Variants in UXS1 observed in about 807,000 individuals in gnomAD.
The protein encoded by UXS1 is UDP-glucuronate decarboxylase 1, also known as UDP-glucuronic acid decarboxylase 1.
A neutral mutation model predicts 62.6 loss-of-function variants in UXS1; 33 were observed. That is an observed-to-expected ratio of 0.53 (90% CI 0.40 to 0.70). UXS1 has a LOEUF of 0.70. UXS1 is among the 30% of genes least tolerant of loss of function. The pLI, the probability that UXS1 is intolerant of heterozygous loss-of-function variation, is 0.00. For synonymous variants in UXS1, 213 were observed against 206.8 expected (o/e 1.03, Z -0.26); for missense variants, 434 against 556.3 (o/e 0.78, Z 2.21).
chr2:106,137,347 G>A (rs1680740446), intron 6 of UXS1, among the ~76,000 whole-genome samples: 1 of 152,186 alleles, frequency 6.6e-6, no homozygotes, highest in Non-Finnish European at 1.5e-5. Context: ...CACAGACCGG[G>A]TCAGTTCCTG....
chr2:106,143,831 A>G (rs924261236), intron 6 of UXS1, among the ~76,000 whole-genome samples: 1 of 152,142 alleles, frequency 6.6e-6, no homozygotes, highest in Non-Finnish European at 1.5e-5. Context: ...TCCCTTGCAC[A>G]CTGCAAACCT....
At chr2:106,186,136 C>T (rs1573592344) in intron 1 of UXS1, among the ~76,000 whole-genome samples, 1 of 152,074 alleles carries the variant, frequency 6.6e-6, no homozygotes, top group Non-Finnish European at 1.5e-5. Context: ...AAAATCGGTC[C>T]AGGCAAGGAT....
At chr2:106,130,020 G>A (rs1448945214) in intron 6 of UXS1, among the ~76,000 whole-genome samples, 1 of 152,202 alleles carries the variant, frequency 6.6e-6, no homozygotes, top group Admixed American at 6.5e-5. Context: ...CGTGTAACCA[G>A]AGTCAATTCG....
chr2:106,144,382 A>T (rs1261232618), intron 6 of UXS1, among the ~76,000 whole-genome samples: 1 of 152,274 alleles, frequency 6.6e-6, no homozygotes, highest in African/African-American at 2.4e-5. Context: ...GAAAGAGAAC[A>T]GAAGAAACAG....
intron 14 of UXS1, among the ~76,000 whole-genome samples, chr2:106,094,651 T>C (rs1204230116): frequency 1.3e-5 from 2 of 152,170 alleles, no homozygotes; most frequent in Non-Finnish European, 2.9e-5. Context: ...ATGGCCCACT[T>C]GCACCCCCAC....
intron 1 of UXS1, among the ~76,000 whole-genome samples, chr2:106,167,439 C>CAAG (rs1683278721): frequency 6.6e-6 from 1 of 152,144 alleles, no homozygotes; most frequent in Non-Finnish European, 1.5e-5. Context: ...TAACCCCAGG[C>CAAG]ATCTTCCCAT....
chr2:106,166,170 A>G, intron 1 of UXS1, 87 bp from the exon 2 acceptor site: 1 of 1,305,264 alleles, frequency 7.7e-7, no homozygotes, highest in Non-Finnish European at 1.1e-6. Flanking sequence ...TTTAACCAAT[A>G]TTTTAAATTT....
intron 6 of UXS1, among the ~76,000 whole-genome samples, chr2:106,141,897 G>A (rs1681134829): frequency 6.7e-6 from 1 of 149,748 alleles, no homozygotes; most frequent in Admixed American, 6.6e-5. Context: ...TTGAGATGAG[G>A]TCTTATTCTG....
chr2:106,122,905 A>G, intron 9 of UXS1, 65 bp downstream of exon 9: 8 of 1,584,340 alleles, frequency 5.0e-6, no homozygotes, highest in Non-Finnish European at 6.9e-6. Flanking sequence ...CCTTTACAAC[A>G]CTTTACATCT....
At chr2:106,174,620 G>A (rs1332864394) in intron 1 of UXS1, among the ~76,000 whole-genome samples, 1 of 152,238 alleles carries the variant, frequency 6.6e-6, no homozygotes, top group Non-Finnish European at 1.5e-5. Flanking sequence ...CCCAGGGCCT[G>A]TGTGGGGCGC....
At chr2:106,194,088 G>A (rs1558768753) in intron 1 of UXS1, 60 bp downstream of exon 1, 3 of 1,360,486 alleles carry the variant, frequency 2.2e-6, no homozygotes, top group African/African-American at 1.5e-5. Flanking sequence ...CCGCCGCCCG[G>A]CCCACCGCGG....
At chr2:106,155,506 T>A in intron 5 of UXS1, among the ~76,000 whole-genome samples, 1 of 152,238 alleles carries the variant, frequency 6.6e-6, no homozygotes, top group African/African-American at 2.4e-5. Flanking sequence ...AAGCTCCATT[T>A]GTGGTAAGTG....
intron 5 of UXS1, among the ~76,000 whole-genome samples, chr2:106,157,530 A>G (rs1682533309): frequency 6.6e-6 from 1 of 152,258 alleles, no homozygotes; most frequent in South Asian, 2.1e-4. Context: ...TATACCTAAA[A>G]GAATGAAAAT....
intron 2 of UXS1, 36 bp from the exon 3 acceptor site, chr2:106,164,835 T>C (rs1683115102): frequency 8.1e-6 from 12 of 1,482,224 alleles, no homozygotes; most frequent in Non-Finnish European, 1.1e-5. Flanking sequence ...GCTTTGTGAC[T>C]TTAAGACTGT....
intron 2 of UXS1, among the ~76,000 whole-genome samples, chr2:106,165,089 A>G (rs978593649): frequency 2.0e-5 from 3 of 152,240 alleles, no homozygotes; most frequent in Non-Finnish European, 4.4e-5. Flanking sequence ...TTAAATTTGA[A>G]GCAGGAAGTG....
chr2:106,096,674 G>A (rs1427869533), intron 14 of UXS1, 44 bp downstream of exon 14: 40 of 1,506,232 alleles, frequency 2.7e-5, no homozygotes, highest in African/African-American at 6.9e-5. Flanking sequence ...CACAGGACAC[G>A]GGAGGCCCCT....
At chr2:106,120,547 A>G (rs1679442181) in intron 9 of UXS1, among the ~76,000 whole-genome samples, 1 of 152,198 alleles carries the variant, frequency 6.6e-6, no homozygotes, top group African/African-American at 2.4e-5. Context: ...CCCTCAGCAC[A>G]TGTGCTAAGT....
rs1680942892 is a variant in UXS1, at chr2:106,139,654, T to G, written c.472+5536A>C. Among the ~76,000 whole-genome samples the G allele has an allele frequency of 2.0e-5, 3 of 152,204 alleles. No individual in the cohort carries two copies. In the South Asian group the frequency reaches 6.2e-4, roughly 32 times the overall value. ...AGGGGAAATCCACATAAAAACTGAC[T>G]GTAGCTTCCACTCCTTTGTTGATTT... On this transcript the variant is annotated intron_variant, in intron 6 of 14. Transcript: ENST00000283148.
At chr2:106,157,188 T>C (rs1257959690) in intron 5 of UXS1, among the ~76,000 whole-genome samples, 5 of 152,170 alleles carry the variant, frequency 3.3e-5, no homozygotes, top group African/African-American at 9.7e-5. Flanking sequence ...GTTGCACAAC[T>C]CTGTGAATAC....
Sources: allele counts gnomAD v4.1 joint callset (sites outside exome capture counted in the v4.1 genomes callset), GRCh38; gene constraint gnomAD v4.1.1; transcripts MANE v1.5; gene names NCBI Gene and HGNC (gene_info 2026-07-23, HGNC 2026-07-21).